GRAMD2B: variants seen among roughly 807,000 people sequenced by gnomAD.
The protein encoded by GRAMD2B is GRAM domain-containing protein 2B.
GRAMD2B carries 41 observed loss-of-function variants against 59.2 expected under a neutral mutation model. That is an observed-to-expected ratio of 0.69 (90% CI 0.54 to 0.90). The LOEUF (loss-of-function observed/expected upper bound fraction) is 0.90, where lower values mean the gene tolerates loss of function less well. Among genes scored for constraint, GRAMD2B ranks in the 40% least tolerant of loss-of-function variants. The pLI is 0.00. For synonymous variants in GRAMD2B, 161 were observed against 182.7 expected (o/e 0.88, Z 0.96); for missense variants, 424 against 500.5 (o/e 0.85, Z 1.46).
chr5:126,363,984 A>G (rs746004708), intron 1 of GRAMD2B, among the ~76,000 whole-genome samples: 2 of 152,216 alleles, frequency 1.3e-5, no homozygotes, highest in South Asian at 2.1e-4. Context: ...TATGTAAATT[A>G]TATCTTAATA....
At chr5:126,481,964 C>A (rs1771945092) in intron 8 of GRAMD2B, among the ~76,000 whole-genome samples, 1 of 116,438 alleles carries the variant, frequency 8.6e-6, no homozygotes, top group African/African-American at 3.5e-5. Context: ...CAATGAGACT[C>A]CATCTCAAAA....
chr5:126,365,519 A>G (rs1320139028), intron 1 of GRAMD2B, among the ~76,000 whole-genome samples: 2 of 152,214 alleles, frequency 1.3e-5, no homozygotes, highest in Non-Finnish European at 2.9e-5. Context: ...GTTTTATCAA[A>G]CACCCAAATG....
chr5:126,420,998 G>T (rs1759671674), upstream of GRAMD2B, among the ~76,000 whole-genome samples: 1 of 152,176 alleles, frequency 6.6e-6, no homozygotes, highest in African/African-American at 2.4e-5. Context: ...GAAAAATATT[G>T]TATGATTCCA....
At chr5:126,450,490 C>T (rs1561540886) in intron 1 of GRAMD2B, among the ~76,000 whole-genome samples, 1 of 151,820 alleles carries the variant, frequency 6.6e-6, no homozygotes, top group African/African-American at 2.4e-5. Context: ...TTTGTATTAA[C>T]GTAATGAAAC....
chr5:126,447,218 G>A (rs1412000082), intron 1 of GRAMD2B, among the ~76,000 whole-genome samples: 1 of 152,188 alleles, frequency 6.6e-6, no homozygotes, highest in Admixed American at 6.5e-5. Flanking sequence ...ATTATGGGGG[G>A]TTGTTCCAGA....
intron 1 of GRAMD2B, among the ~76,000 whole-genome samples, chr5:126,425,945 G>A (rs1760546792): frequency 6.6e-6 from 1 of 151,992 alleles, no homozygotes; most frequent in South Asian, 2.1e-4. Context: ...CTATTGCACA[G>A]CAAGGAGATT....
chr5:126,396,500 A>G (rs1217447999), intron 1 of GRAMD2B, among the ~76,000 whole-genome samples: 2 of 152,194 alleles, frequency 1.3e-5, no homozygotes, highest in Admixed American at 6.5e-5. Context: ...CCTGCAACGG[A>G]CATGATCTCA....
At chr5:126,444,794 C>T (rs1763920166) in intron 1 of GRAMD2B, among the ~76,000 whole-genome samples, 1 of 152,132 alleles carries the variant, frequency 6.6e-6, no homozygotes, top group Middle Eastern at 3.2e-3. Context: ...CAGATCAACC[C>T]ATTGCCTAGG....
At chr5:126,483,634 A>G (rs1274184917) in intron 9 of GRAMD2B, 60 bp downstream of exon 9, 3 of 735,488 alleles carry the variant, frequency 4.1e-6, no homozygotes, top group Admixed American at 2.9e-5. Context: ...TCCTCACCCC[A>G]CCCCCTTAAA....
chr5:126,466,160 T>C (rs1227896249), intron 2 of GRAMD2B: 1 of 1,405,226 alleles, frequency 7.1e-7, no homozygotes, highest in South Asian at 1.4e-5. Context: ...GAGTGCAGTT[T>C]ATCTAAACTG....
chr5:126,476,189 C>T (rs547498620), intron 5 of GRAMD2B, among the ~76,000 whole-genome samples: 1 of 152,312 alleles, frequency 6.6e-6, no homozygotes, highest in African/African-American at 2.4e-5. Context: ...AGGAGAATCA[C>T]TTGAACCTGG....
intron 1 of GRAMD2B, among the ~76,000 whole-genome samples, chr5:126,434,751 T>C (rs1439676830): frequency 1.3e-5 from 2 of 152,120 alleles, no homozygotes; most frequent in Non-Finnish European, 2.9e-5. Context: ...TCTCCTGACC[T>C]TGTGATCCAC....
At chr5:126,432,838 A>G (rs34299555) in intron 1 of GRAMD2B, among the ~76,000 whole-genome samples, 29,250 of 152,196 alleles carry the variant, frequency 0.19, 2,981 homozygotes, top group Non-Finnish European at 0.23. Flanking sequence ...AGAAAGAATG[A>G]CAGCACCTTT....
At chr5:126,486,833 C>G in intron 11 of GRAMD2B, 40 bp from the exon 12 acceptor site, 1 of 1,249,536 alleles carries the variant, frequency 8.0e-7, no homozygotes, top group Non-Finnish European at 1.2e-6. Flanking sequence ...CAGATCCTGG[C>G]CGTTAACCTA....
chr5:126,488,767 G>A, intron 12 of GRAMD2B, 32 bp from the exon 13 acceptor site: 1 of 1,459,392 alleles, frequency 6.9e-7, no homozygotes. Flanking sequence ...TGTCATCCCT[G>A]CCCATAATAA....
chr5:126,428,723 G>C (rs1359059117), intron 1 of GRAMD2B, among the ~76,000 whole-genome samples: 1 of 152,022 alleles, frequency 6.6e-6, no homozygotes, highest in Non-Finnish European at 1.5e-5. Context: ...AGTTTAAATG[G>C]GAAATGTAAG....
At chr5:126,425,690 C>T (rs1760498112) in intron 1 of GRAMD2B, among the ~76,000 whole-genome samples, 1 of 152,150 alleles carries the variant, frequency 6.6e-6, no homozygotes, top group Admixed American at 6.5e-5. Context: ...CTCTTGAGCC[C>T]AGGCAGTTGA....
chr5:126,475,895 G>A (rs1296197226), intron 5 of GRAMD2B, among the ~76,000 whole-genome samples: 3 of 152,142 alleles, frequency 2.0e-5, no homozygotes, highest in Admixed American at 6.5e-5. Context: ...GATTACCTGA[G>A]GTCAGGAGTT....
At chr5:126,428,104 A>G (rs915950960) in intron 1 of GRAMD2B, among the ~76,000 whole-genome samples, 6 of 152,228 alleles carry the variant, frequency 3.9e-5, no homozygotes, top group Admixed American at 3.3e-4. Context: ...GTGATGGTTC[A>G]TGCCTGTAAT....
Sources: allele counts gnomAD v4.1 joint callset (sites outside exome capture counted in the v4.1 genomes callset), GRCh38; gene constraint gnomAD v4.1.1; transcripts MANE v1.5; gene names NCBI Gene and HGNC (gene_info 2026-07-23, HGNC 2026-07-21).